Variants in GRID2 observed in about 807,000 individuals in gnomAD.
GRID2 encodes the protein glutamate ionotropic receptor delta type subunit 2.
In GRID2, 33 loss-of-function variants were observed where a neutral mutation model predicts 114.8. That is an observed-to-expected ratio of 0.29 (90% CI 0.22 to 0.38). The LOEUF is 0.38. Ranked by LOEUF, GRID2 falls within the 10% of genes least tolerant of loss-of-function variation. The probability of loss-of-function intolerance (pLI) is 1.00; values close to 1 mark genes in which losing one functional copy is unlikely to be tolerated. For missense variants in GRID2, 1,184 were observed against 1,257.7 expected, an observed-to-expected ratio of 0.94 and a Z score of 0.89; for synonymous variants, 505 against 449.9, an observed-to-expected ratio of 1.12 and a Z score of -1.55.
At chr4:92,572,428 G>T (rs921682358) in intron 1 of GRID2, among the ~76,000 whole-genome samples, 3 of 152,046 alleles carry the variant, frequency 2.0e-5, no homozygotes, top group African/African-American at 7.2e-5. Context: ...AGGACCAGAA[G>T]GATTCACAGC....
At position 92,959,682 on chromosome 4, in the gene GRID2, A is replaced by C. The variant is rs552219797; in HGVS notation, c.245-125313A>C. On this transcript the variant is annotated intron_variant, in intron 2 of 15. Coordinates refer to ENST00000282020, the MANE Select transcript of GRID2 (RefSeq NM_001510.4). ...ATGGAATACAATGCAGCCATAAAAA[A>C]GGATTAGTCCATGTCCTTTGCAGGG... Among the ~76,000 whole-genome samples the C allele has an allele frequency of 1.1e-4, 16 of 152,280 alleles. 1 individual carries two copies. Among genetic ancestry groups the C allele is most frequent in the African/African-American group, 3.8e-4 (16 of 41,568 alleles).
intron 1 of GRID2, among the ~76,000 whole-genome samples, chr4:92,465,811 A>G (rs1721723764): frequency 6.6e-6 from 1 of 151,952 alleles, no homozygotes; most frequent in African/African-American, 2.4e-5. Flanking sequence ...ATTTCCACCA[A>G]TGTGAAAAGC....
intron 2 of GRID2, among the ~76,000 whole-genome samples, chr4:92,990,781 GA>G (rs1754851904): frequency 6.6e-6 from 1 of 152,072 alleles, no homozygotes; most frequent in African/African-American, 2.4e-5. Context: ...GACAGCCCTA[GA>G]AACGGATTTG....
At chr4:93,392,106 G>A (rs1338383913) in intron 8 of GRID2, among the ~76,000 whole-genome samples, 3 of 152,070 alleles carry the variant, frequency 2.0e-5, no homozygotes, top group African/African-American at 7.2e-5. Flanking sequence ...TTTGCCATCA[G>A]CAGTGTGACT....
chr4:92,881,311 C>T (rs545214865), intron 2 of GRID2, among the ~76,000 whole-genome samples: 1 of 152,154 alleles, frequency 6.6e-6, no homozygotes, highest in Non-Finnish European at 1.5e-5. Context: ...TTGTCATTTT[C>T]CTGGCTTCTT....
intron 2 of GRID2, among the ~76,000 whole-genome samples, chr4:92,825,414 G>A (rs1741626709): frequency 6.6e-6 from 1 of 152,154 alleles, no homozygotes; most frequent in Non-Finnish European, 1.5e-5. Context: ...TGGCACCGAG[G>A]AGGGTTACAA....
chr4:93,613,735 T>G (rs1741241190), intron 13 of GRID2, among the ~76,000 whole-genome samples: 1 of 149,538 alleles, frequency 6.7e-6, no homozygotes, highest in South Asian at 2.2e-4. Flanking sequence ...CAGGGACACT[T>G]AAGTCTGCAG....
chr4:92,986,024 A>G (rs1373756623), intron 2 of GRID2, among the ~76,000 whole-genome samples: 1 of 152,234 alleles, frequency 6.6e-6, no homozygotes, highest in Non-Finnish European at 1.5e-5. Context: ...AAGAAAATTG[A>G]AAATGTAGCA....
chr4:93,690,215 C>T (rs928155930), intron 14 of GRID2, among the ~76,000 whole-genome samples: 24 of 151,860 alleles, frequency 1.6e-4, no homozygotes, highest in Admixed American at 1.5e-3. Context: ...GTGAAACAAC[C>T]TTGTGGGGGT....
In GRID2 at chr4:93,136,232, T is replaced by TTGTG. The variant is rs3970984; in HGVS notation, c.735+25323_735+25326dup. On this transcript the variant is annotated intron_variant, in intron 4 of 15. Coordinates refer to ENST00000282020, the MANE Select transcript of GRID2 (RefSeq NM_001510.4). ...CCTGTGTTAAAAATTCCAACAGTTA[T>TTGTG]TGTGTGTGTGTGTGTGTGTGTGTGT... is the stretch of plus-strand genomic sequence containing the variant. 7.5e-3 allele frequency among the ~76,000 whole-genome samples: 1,063 copies of TTGTG among 142,348 alleles called. 8 individuals carry two copies. Among genetic ancestry groups the TTGTG allele is most frequent in the East Asian group, 0.053 (254 of 4,798 alleles). 93.4% of individuals were successfully genotyped at this position (142,348 alleles called of 152,430 possible).
chr4:93,140,883 C>G (rs1380394622), intron 4 of GRID2, among the ~76,000 whole-genome samples: 3 of 152,138 alleles, frequency 2.0e-5, no homozygotes, highest in African/African-American at 7.2e-5. Context: ...TGCACTGGAT[C>G]TCATTCCTAT....
intron 2 of GRID2, among the ~76,000 whole-genome samples, chr4:92,657,776 A>G (rs1205888100): frequency 6.6e-6 from 1 of 151,720 alleles, no homozygotes. Flanking sequence ...TTTCCCTTTC[A>G]TAATACAGCC....
At chr4:93,606,441 T>C (rs182024286) in intron 13 of GRID2, among the ~76,000 whole-genome samples, 25 of 152,222 alleles carry the variant, frequency 1.6e-4, no homozygotes, top group Admixed American at 9.2e-4. Flanking sequence ...TGAGCCCAAC[T>C]AGAGATAAAA....
chr4:92,581,657 A>T (rs1728190640), intron 1 of GRID2, among the ~76,000 whole-genome samples: 1 of 152,126 alleles, frequency 6.6e-6, no homozygotes, highest in Non-Finnish European at 1.5e-5. Flanking sequence ...TCACATTCAA[A>T]CATAAATCTC....
Position 93,716,652 on chromosome 4 carries a change from A to G in GRID2, c.2361-52558A>G, listed in dbSNP as rs1435617839. ...ATATGTATGTAAATATATGTGCTAT[A>G]TATACATTTATAATGAAAGTATACA... On this transcript the variant is annotated intron_variant, in intron 14 of 15. Coordinates refer to ENST00000282020, the MANE Select transcript of GRID2 (RefSeq NM_001510.4). 7.9e-5 allele frequency among the ~76,000 whole-genome samples: 12 copies of G among 152,022 alleles called. No homozygotes were observed. In the South Asian group the frequency reaches 1.2e-3, roughly 16 times the overall value.
At chr4:92,659,798 A>G (rs1732433652) in intron 2 of GRID2, among the ~76,000 whole-genome samples, 2 of 151,432 alleles carry the variant, frequency 1.3e-5, no homozygotes, top group African/African-American at 4.8e-5. Context: ...CACTCCTGGA[A>G]AATGCTTTCT....
At chr4:92,546,311 A>G (rs1045443687) in intron 1 of GRID2, among the ~76,000 whole-genome samples, 1 of 152,152 alleles carries the variant, frequency 6.6e-6, no homozygotes, top group Non-Finnish European at 1.5e-5. Context: ...TTGCTTCATG[A>G]ATGTGATCAT....
At chr4:93,187,151 G>T (rs1263375021) in intron 4 of GRID2, among the ~76,000 whole-genome samples, 1 of 152,258 alleles carries the variant, frequency 6.6e-6, no homozygotes, top group African/African-American at 2.4e-5. Context: ...TTGATGAGTA[G>T]GTTTTCATGT....
intron 8 of GRID2, among the ~76,000 whole-genome samples, chr4:93,366,137 G>T (rs941207299): frequency 2.6e-5 from 4 of 152,080 alleles, no homozygotes; most frequent in Admixed American, 6.6e-5. Flanking sequence ...AAAAGAACAG[G>T]ATAACAGCAA....
Sources: gnomAD v4.1 joint callset for allele counts (sites outside exome capture counted in the v4.1 genomes callset) on GRCh38, gnomAD v4.1.1 for gene constraint, MANE v1.5 for transcripts, NCBI Gene and HGNC (gene_info 2026-07-23, HGNC 2026-07-21) for gene names.